ABCD3: variants seen among roughly 807,000 people sequenced by gnomAD.
ABCD3 encodes the protein ATP binding cassette subfamily D member 3.
ABCD3 carries 41 observed loss-of-function variants against 105.5 expected under a neutral mutation model. The observed-to-expected ratio is 0.39, with a 90% CI of 0.30 to 0.50. The LOEUF is 0.50. Ranked by LOEUF, ABCD3 falls within the 20% of genes least tolerant of loss-of-function variation. ABCD3 has a pLI of 0.84. For synonymous variants in ABCD3, 258 were observed against 269.0 expected (o/e 0.96, Z 0.40); for missense variants, 622 against 806.3 (o/e 0.77, Z 2.77).
chr1:94,510,290 T>C (rs1384209671), intron 21 of ABCD3, among the ~76,000 whole-genome samples: 5 of 152,134 alleles, frequency 3.3e-5, no homozygotes, highest in African/African-American at 1.2e-4. Flanking sequence ...TTCCATGTAG[T>C]TGAGTGGTTT....
In ABCD3 at chr1:94,517,185, A is replaced by C; in HGVS notation, c.*56A>C. ...GAAATAATTACAGAATATACTTAGA[A>C]AGGCAAAGTACATTGTAAAATAAAG... On this transcript the variant is annotated 3_prime_UTR_variant, in exon 23 of 23. Transcript: ENST00000370214. 1.6e-6 allele frequency: 2 copies of C among 1,287,854 alleles called. No homozygotes were observed. The highest frequency in any genetic ancestry group is 1.2e-5 in the South Asian group (1 of 84,150). The allele number at this position is 1,287,854 out of a possible 1,614,324, so 79.8% of individuals were successfully genotyped here. A position where few individuals can be genotyped will look rare whatever the true frequency, so the allele number is the denominator to read the frequency against.
chr1:94,465,934 T>C (rs1301681657), intron 3 of ABCD3, among the ~76,000 whole-genome samples: 2 of 152,194 alleles, frequency 1.3e-5, no homozygotes, highest in Non-Finnish European at 2.9e-5. Flanking sequence ...TGCTAATTTT[T>C]CCTATACTTA....
the ABCD3 span, among the ~76,000 whole-genome samples, chr1:94,389,931 C>G: frequency 6.6e-6 from 1 of 152,176 alleles, no homozygotes; most frequent in African/African-American, 2.4e-5. Flanking sequence ...TGTAGAATGT[C>G]AAGATAGCCA....
At chr1:94,390,314 T>G in the ABCD3 span, among the ~76,000 whole-genome samples, 1 of 152,134 alleles carries the variant, frequency 6.6e-6, no homozygotes, top group African/African-American at 2.4e-5. Context: ...TATTTATTTA[T>G]TTTTGTGAGA....
chr1:94,511,109 T>C (rs1479494166), intron 21 of ABCD3, among the ~76,000 whole-genome samples: 1 of 152,138 alleles, frequency 6.6e-6, no homozygotes, highest in African/African-American at 2.4e-5. Flanking sequence ...CATTTTGGCA[T>C]GATTTTGCAG....
intron 1 of ABCD3, 81 bp downstream of exon 1, chr1:94,418,669 A>C: frequency 7.0e-7 from 1 of 1,435,614 alleles, no homozygotes; most frequent in Non-Finnish European, 9.5e-7. Context: ...CCCGGCCGAC[A>C]GGTCTCTTTG....
intron 2 of ABCD3, among the ~76,000 whole-genome samples, chr1:94,461,307 G>A (rs1174257548): frequency 6.6e-6 from 1 of 151,974 alleles, no homozygotes; most frequent in African/African-American, 2.4e-5. Flanking sequence ...AGGGTGGGGA[G>A]AGGCAATTTT....
intron 7 of ABCD3, 21 bp from the exon 8 acceptor site, chr1:94,478,238 A>G (rs1322929249): frequency 7.1e-7 from 1 of 1,410,068 alleles, no homozygotes; most frequent in Non-Finnish European, 1.0e-6. Flanking sequence ...AATTCTGTGT[A>G]TTCTAATATT....
At chr1:94,480,760 A>AG (rs1215257021) in intron 9 of ABCD3, among the ~76,000 whole-genome samples, 154 bp downstream of exon 9, 1 of 152,156 alleles carries the variant, frequency 6.6e-6, no homozygotes, top group Non-Finnish European at 1.5e-5. Flanking sequence ...AGTTTTATAA[A>AG]GTAGTAATCA....
intron 1 of ABCD3, among the ~76,000 whole-genome samples, chr1:94,441,620 A>G (rs1369859011): frequency 6.6e-6 from 1 of 152,230 alleles, no homozygotes; most frequent in Admixed American, 6.5e-5. Context: ...GTGGTTGAAT[A>G]AACTATGGTA....
At chr1:94,451,111 T>C (rs1647226024) in intron 1 of ABCD3, among the ~76,000 whole-genome samples, 1 of 152,220 alleles carries the variant, frequency 6.6e-6, no homozygotes, top group African/African-American at 2.4e-5. Context: ...TTTTGGTAGG[T>C]ATCTTCTTGG....
intron 2 of ABCD3, among the ~76,000 whole-genome samples, chr1:94,459,248 T>C (rs1647749266): frequency 6.6e-6 from 1 of 151,928 alleles, no homozygotes; most frequent in Non-Finnish European, 1.5e-5. Context: ...TTGAAGATAG[T>C]TGTATCTTAC....
chr1:94,464,924 A>G, intron 3 of ABCD3, 51 bp downstream of exon 3: 8 of 1,418,982 alleles, frequency 5.6e-6, no homozygotes, highest in Non-Finnish European at 8.0e-6. Context: ...TTCTTTAATA[A>G]AATACCTGAG....
chr1:94,431,194 T>C (rs767465197), intron 1 of ABCD3, among the ~76,000 whole-genome samples: 3 of 152,232 alleles, frequency 2.0e-5, no homozygotes, highest in Non-Finnish European at 4.4e-5. Flanking sequence ...TTAGTTTATC[T>C]TGGAGGTGTG....
the ABCD3 span, among the ~76,000 whole-genome samples, chr1:94,399,486 G>A: frequency 2.0e-5 from 3 of 152,090 alleles, no homozygotes; most frequent in African/African-American, 4.8e-5. Flanking sequence ...TCCAATACCC[G>A]TTCCCAGAGG....
rs147263557 is a variant in ABCD3 at position 94,516,458 on chromosome 1, A to G, written c.1903-594A>G. Among the ~76,000 whole-genome samples the G allele has an allele frequency of 8.3e-3, 1,261 of 152,110 alleles. 14 individuals carry two copies. Among genetic ancestry groups the G allele is most frequent in the African/African-American group, 0.029 (1,205 of 41,544 alleles). Reference sequence around the variant, plus strand: ...AGCCTTTATGTTTTCTCGGAAGTTCATAAGTATTATAGCCATAGGACATTG... The same window carrying G: ...AGCCTTTATGTTTTCTCGGAAGTTCGTAAGTATTATAGCCATAGGACATTG... On this transcript the variant is annotated intron_variant, in intron 22 of 22. Transcript: ENST00000370214.
At chr1:94,459,161 C>T (rs1251139838) in intron 2 of ABCD3, among the ~76,000 whole-genome samples, 1 of 151,932 alleles carries the variant, frequency 6.6e-6, no homozygotes, top group East Asian at 1.9e-4. Context: ...ATCCTCCTAC[C>T]TCAGCCTGAA....
chr1:94,464,707 C>T, intron 2 of ABCD3, 68 bp from the exon 3 acceptor site: 1 of 1,358,740 alleles, frequency 7.4e-7, no homozygotes. Context: ...TTAGATGAAA[C>T]ATGGTTCTTT....
At chr1:94,442,244 A>G (rs1186210967) in intron 1 of ABCD3, among the ~76,000 whole-genome samples, 6 of 152,150 alleles carry the variant, frequency 3.9e-5, no homozygotes, top group Non-Finnish European at 7.4e-5. Context: ...ATACTGTGCA[A>G]TTGCTATAAG....
Sources: allele counts gnomAD v4.1 joint callset (sites outside exome capture counted in the v4.1 genomes callset), GRCh38; gene constraint gnomAD v4.1.1; transcripts MANE v1.5; gene names NCBI Gene and HGNC (gene_info 2026-07-23, HGNC 2026-07-21).